Variants in ZNF446 observed in about 807,000 individuals in gnomAD.
The protein encoded by ZNF446 is zinc finger protein with KRAB and SCAN domains 20.
ZNF446 carries 42 observed loss-of-function variants against 34.0 expected under a neutral mutation model. That is an observed-to-expected ratio of 1.23 (90% CI 0.96 to 1.60). The LOEUF (loss-of-function observed/expected upper bound fraction) is 1.60, where lower values mean the gene tolerates loss of function less well. Ranked by LOEUF, ZNF446 falls within the 40% of genes most tolerant of loss-of-function variation. The pLI is 0.00. For synonymous variants in ZNF446, 315 were observed against 251.0 expected (o/e 1.25, Z -2.41); for missense variants, 650 against 600.2 (o/e 1.08, Z -0.87).
chr19:58,484,294 A>AC (rs71293933), downstream of ZNF446, among the ~76,000 whole-genome samples: 1 of 137,988 alleles, frequency 7.2e-6, no homozygotes, highest in Non-Finnish European at 1.6e-5. Flanking sequence ...AAAAAAAAAA[A>AC]CACACAATTA....
At chr19:58,486,729 G>A in the ZNF446 span, among the ~76,000 whole-genome samples, 2 of 150,466 alleles carry the variant, frequency 1.3e-5, no homozygotes, top group South Asian at 4.2e-4. Flanking sequence ...GGGGGGGGCG[G>A]GGAGAGATGA....
chr19:58,480,669 C>G lies in ZNF446; in HGVS notation c.1296C>G (p.Phe432Leu), dbSNP rs767566879. 8 of 1,610,922 alleles carry G rather than the reference C, an allele frequency of 5.0e-6. No individual in the cohort carries two copies. The highest frequency in any genetic ancestry group is 6.8e-6 in the Non-Finnish European group (8 of 1,179,662). Residue 432 changes from phenylalanine (F) to leucine (L), a missense_variant, in exon 7 of 7, where the codon TTC (phenylalanine) becomes TTG (leucine). Coordinates refer to ENST00000594369, the MANE Select transcript of ZNF446 (RefSeq NM_017908.4). The surrounding 1 kb of genome is among the most constrained non-coding windows in gnomAD (Gnocchi z 7.2). ...RHFCSDCGRA[F>L]DWKSQLVIHR... is the part of the protein sequence containing the mutation. Reference sequence around the variant, plus strand: ...TCTGCAGTGACTGTGGCCGCGCCTTCGACTGGAAGTCGCAGCTGGTCATCC... The same window carrying G: ...TCTGCAGTGACTGTGGCCGCGCCTTGGACTGGAAGTCGCAGCTGGTCATCC...
intron 5 of ZNF446, 56 bp downstream of exon 5, chr19:58,479,783 C>T (rs1391625048): frequency 1.3e-6 from 2 of 1,567,222 alleles, no homozygotes; most frequent in South Asian, 1.1e-5. Flanking sequence ...ACCCACCCTG[C>T]AGCAGGCCTA....
At position 58,477,234 on chromosome 19, in the gene ZNF446, G is replaced by A; in HGVS notation, c.16G>A (p.Gly6Ser). 1 of 1,576,182 alleles carries A rather than the reference G, an allele frequency of 6.3e-7. No homozygotes were observed. The highest frequency in any genetic ancestry group is 8.6e-7 in the Non-Finnish European group (1 of 1,159,262). MPSPL[G>S]PPCLPVMDPE... ...TTGAGCAAGAATGCCATCCCCTCTG[G>A]GTCCCCCATGCCTGCCCGTCATGGA... Residue 6 changes from glycine to serine, a missense_variant, in exon 2 of 7, where the codon GGT becomes AGT. Physicochemically the swap from Gly to Ser is moderately conservative, Grantham distance 56 (BLOSUM62 0). Coordinates refer to ENST00000594369, the MANE Select transcript of ZNF446 (RefSeq NM_017908.4).
In ZNF446 at chr19:58,477,623, C is replaced by T. The variant is rs762317658; in HGVS notation, c.343-14C>T. The stretch of plus-strand genomic sequence containing the variant: ...CCCTGGCTAGAGCCATTGTGACCTA[C>T]CTCTTCTCCTCAGATCACAGCCCAT... On this transcript the variant is annotated splice_polypyrimidine_tract_variant and intron_variant, in intron 2 of 6. Transcript: ENST00000594369. 10 of 1,613,656 alleles carry T rather than the reference C, an allele frequency of 6.2e-6. No individual in the cohort carries two copies. The highest frequency in any genetic ancestry group is 3.3e-5 in the South Asian group (3 of 91,078).
Position 58,477,330 on chromosome 19 carries a change from G to T in ZNF446, c.112G>T (p.Ala38Ser), listed in dbSNP as rs892816074. 1 of 1,613,340 alleles carries T rather than the reference G, an allele frequency of 6.2e-7. No homozygotes were observed. Among genetic ancestry groups the T allele is most frequent in the Non-Finnish European group, 8.5e-7 (1 of 1,180,000 alleles). ...RFRGFCYQEV[A>S]GPREALARLR... Reference sequence around the variant, plus strand: ...CCGAGGGTTCTGCTACCAGGAGGTGGCAGGTCCCCGAGAAGCCCTGGCCCG... The same window carrying T: ...CCGAGGGTTCTGCTACCAGGAGGTGTCAGGTCCCCGAGAAGCCCTGGCCCG... Residue 38 changes from alanine (A) to serine (S), a missense_variant, in exon 2 of 7, where the codon GCA (alanine) becomes TCA (serine). Transcript: ENST00000594369.
chr19:58,480,603 G>T lies in ZNF446; in HGVS notation c.1230G>T (p.Leu410=). ...CGCSFSWKSQ[L]VIHRKSHTGQ... ...GCAGCTTCAGCTGGAAGTCGCAGCT[G>T]GTCATCCACCGCAAGAGCCACACAG... Residue 410 remains leucine (L), a synonymous_variant, in exon 7 of 7, where the codon CTG becomes CTT. Coordinates refer to ENST00000594369, the MANE Select transcript of ZNF446 (RefSeq NM_017908.4). This position sits in a 1 kb window ranked among gnomAD's most constrained non-coding sequence, Gnocchi z 7.2. The T allele has an allele frequency of 6.2e-7, 1 of 1,612,822 alleles. No homozygotes were observed. The highest frequency in any genetic ancestry group is 8.5e-7 in the Non-Finnish European group (1 of 1,179,958).
At chr19:58,484,291 A>AC, downstream of ZNF446, among the ~76,000 whole-genome samples, 1 of 147,660 alleles carries the variant, frequency 6.8e-6, no homozygotes, top group African/African-American at 2.5e-5. Context: ...AAAAAAAAAA[A>AC]AAACACACAA....
intron 4 of ZNF446, among the ~76,000 whole-genome samples, chr19:58,478,498 T>C (rs1409004735): frequency 6.6e-6 from 1 of 152,048 alleles, no homozygotes; most frequent in African/African-American, 2.4e-5. Flanking sequence ...ACCCTGTATC[T>C]ACTAAAGATA....
intron 1 of ZNF446, among the ~76,000 whole-genome samples, chr19:58,476,941 G>T (rs901021023): frequency 6.6e-6 from 1 of 152,154 alleles, no homozygotes; most frequent in African/African-American, 2.4e-5. Flanking sequence ...GCAATTTCCA[G>T]GAAGCTCCCT....
At chr19:58,488,801 A>G in the ZNF446 span, among the ~76,000 whole-genome samples, 4 of 150,950 alleles carry the variant, frequency 2.6e-5, 1 homozygote, top group Middle Eastern at 0.01. Flanking sequence ...CGGTGAGCCA[A>G]GATCACGCCA....
At chr19:58,478,240 GC>G (rs1373113506) in intron 4 of ZNF446, 59 bp downstream of exon 4, 343 of 1,504,760 alleles carry the variant, frequency 2.3e-4, no homozygotes, top group Middle Eastern at 8.6e-4. Flanking sequence ...TGTCCCCATG[GC>G]TGCCCTCTGC....
chr19:58,489,153 G>C, the ZNF446 span, among the ~76,000 whole-genome samples: 80 of 152,160 alleles, frequency 5.3e-4, 4 homozygotes, highest in Non-Finnish European at 1.5e-5. Flanking sequence ...TTCTTGCCTG[G>C]GGACCAGATG....
chr19:58,485,086 A>G (rs555962197), downstream of ZNF446, among the ~76,000 whole-genome samples: 2 of 152,290 alleles, frequency 1.3e-5, no homozygotes, highest in African/African-American at 4.8e-5. Flanking sequence ...ATGATCCAAC[A>G]AAAAGATTCT....
downstream of ZNF446, among the ~76,000 whole-genome samples, chr19:58,484,972 C>T (rs2053161686): frequency 6.6e-6 from 1 of 152,022 alleles, no homozygotes; most frequent in African/African-American, 2.4e-5. Flanking sequence ...GCAGGAGGAT[C>T]ACCTGAGCCT....
In ZNF446 at chr19:58,480,702, G is replaced by C; in HGVS notation, c.1329G>C (p.Lys443Asn). Residue 443 changes from lysine to asparagine, a missense_variant, in exon 7 of 7, where the codon AAG (lysine) becomes AAC (asparagine). Transcript: ENST00000594369. The surrounding 1 kb of genome is among the most constrained non-coding windows in gnomAD (Gnocchi z 7.2). Reference sequence around the variant, plus strand: ...AGTCGCAGCTGGTCATCCACCGCAAGGGCCACCGGCCGGAGGTTCCATGAG... The same window carrying C: ...AGTCGCAGCTGGTCATCCACCGCAACGGCCACCGGCCGGAGGTTCCATGAG... ...DWKSQLVIHR[K>N]GHRPEVP is the part of the protein sequence containing the mutation. 6.2e-7 allele frequency: 1 copy of C among 1,607,028 alleles called. No homozygotes were observed. Among genetic ancestry groups the C allele is most frequent in the Non-Finnish European group, 8.5e-7 (1 of 1,179,492 alleles).
chr19:58,485,492 AGAGT>A (rs1166071727), downstream of ZNF446, among the ~76,000 whole-genome samples: 3 of 152,310 alleles, frequency 2.0e-5, no homozygotes, highest in East Asian at 3.9e-4. Context: ...CCTGGGTGAC[AGAGT>A]GAGACTCCAT....
At chr19:58,482,840 C>T (rs2053149492), downstream of ZNF446, among the ~76,000 whole-genome samples, 1 of 152,302 alleles carries the variant, frequency 6.6e-6, no homozygotes, top group South Asian at 2.1e-4. Flanking sequence ...CCAGGGGCTC[C>T]AGCTAGGCCC....
At chr19:58,476,704 C>T (rs1289539611) in intron 1 of ZNF446, among the ~76,000 whole-genome samples, 200 bp downstream of exon 1, 2 of 152,152 alleles carry the variant, frequency 1.3e-5, no homozygotes, top group East Asian at 3.9e-4. Flanking sequence ...CAGAGCCATT[C>T]CTAAAGGAGG....
Sources: allele counts gnomAD v4.1 joint callset (sites outside exome capture counted in the v4.1 genomes callset), GRCh38; gene constraint gnomAD v4.1.1; non-coding constraint Gnocchi (gnomAD v3.1); transcripts MANE v1.5; gene names NCBI Gene and HGNC (gene_info 2026-07-23, HGNC 2026-07-21).